FSTL4: variants seen among roughly 807,000 people sequenced by gnomAD.
FSTL4 encodes follistatin-related protein 4.
Under a neutral mutation model 78.2 loss-of-function variants are expected in FSTL4, and 28 were observed. The ratio of observed to expected loss-of-function variants is 0.36; its 90% CI spans 0.27 to 0.49. The LOEUF is 0.49. Ranked by LOEUF, FSTL4 falls within the 20% of genes least tolerant of loss-of-function variation. The pLI, the probability that FSTL4 is intolerant of heterozygous loss-of-function variation, is 0.98. For missense variants in FSTL4, 922 were observed against 1,084.9 expected (o/e 0.85, Z 2.11); for synonymous variants, 422 against 440.5 (o/e 0.96, Z 0.53).
intron 3 of FSTL4, among the ~76,000 whole-genome samples, chr5:133,402,300 G>C (rs1043212157): frequency 6.6e-6 from 1 of 152,212 alleles, no homozygotes; most frequent in South Asian, 2.1e-4. Context: ...ACGTTTAAGT[G>C]AAAGGCGAAA....
At chr5:133,756,237 C>T in the FSTL4 span, among the ~76,000 whole-genome samples, 3 of 151,868 alleles carry the variant, frequency 2.0e-5, no homozygotes, top group African/African-American at 4.8e-5. Flanking sequence ...GGCACAATGT[C>T]CTGGGATGGG....
At chr5:133,507,405 A>C (rs1758630794) in intron 3 of FSTL4, among the ~76,000 whole-genome samples, 1 of 152,150 alleles carries the variant, frequency 6.6e-6, no homozygotes. Context: ...ACTAGCTCAG[A>C]AACTACCTTC....
the FSTL4 span, among the ~76,000 whole-genome samples, chr5:133,787,979 C>T: frequency 6.6e-6 from 1 of 152,174 alleles, no homozygotes; most frequent in African/African-American, 2.4e-5. Context: ...GGTAAGTGGT[C>T]GTGAATGACT....
At chr5:133,747,018 C>T in the FSTL4 span, among the ~76,000 whole-genome samples, 1 of 152,266 alleles carries the variant, frequency 6.6e-6, no homozygotes, top group African/African-American at 2.4e-5. Flanking sequence ...CTCCTGGCCA[C>T]CAGGGGCACT....
chr5:133,331,293 A>C (rs1754340189), intron 4 of FSTL4, among the ~76,000 whole-genome samples: 1 of 152,182 alleles, frequency 6.6e-6, no homozygotes, highest in South Asian at 2.1e-4. Flanking sequence ...CAGGCCTGGC[A>C]GCTCATGGTG....
At chr5:133,610,842 G>A (rs1199693997) in intron 1 of FSTL4, among the ~76,000 whole-genome samples, 1 of 152,184 alleles carries the variant, frequency 6.6e-6, no homozygotes, top group Non-Finnish European at 1.5e-5. Context: ...AGTCCTAGTC[G>A]CTCACTGATC....
chr5:133,596,115 G>A (rs1760732130), intron 2 of FSTL4, among the ~76,000 whole-genome samples: 1 of 152,192 alleles, frequency 6.6e-6, no homozygotes, highest in Admixed American at 6.5e-5. Context: ...TTTCTCCCAG[G>A]AGCCTAGAGA....
Position 133,217,305 on chromosome 5 carries a change from T to C in FSTL4, c.1532A>G (p.Asn511Ser). The C allele has an allele frequency of 6.2e-7, 1 of 1,613,930 alleles. No homozygotes were observed. The highest frequency in any genetic ancestry group is 8.5e-7 in the Non-Finnish European group (1 of 1,179,858). ...CQWVSAVNVR[N>S]RYIYVAQPAL... is the part of the protein sequence containing the mutation. ...TGGCTGGGCCACATAGATGTACCGG[T>C]TCCGGACATTGACTGCAGATACCCA... Residue 511 changes from asparagine (N) to serine (S), a missense_variant, in exon 13 of 16, where the codon AAC (asparagine) becomes AGC (serine). Physicochemically the swap from Asn to Ser is conservative, Grantham distance 46. Transcript: ENST00000265342.
chr5:133,729,819 C>G, the FSTL4 span, among the ~76,000 whole-genome samples: 5 of 152,086 alleles, frequency 3.3e-5, no homozygotes, highest in African/African-American at 1.2e-4. Context: ...CCCCACCCCC[C>G]AATCCTGAGG....
chr5:133,657,137 G>T, the FSTL4 span, among the ~76,000 whole-genome samples: 1 of 152,294 alleles, frequency 6.6e-6, no homozygotes, highest in East Asian at 1.9e-4. Context: ...ACAGGAGTCT[G>T]GGGTTCAAAA....
chr5:133,674,605 G>GTGTC, the FSTL4 span, among the ~76,000 whole-genome samples: 15 of 149,176 alleles, frequency 1.0e-4, no homozygotes, highest in African/African-American at 2.2e-4. Flanking sequence ...GTGTGTGTGT[G>GTGTC]TGTGTCTGTG....
intron 8 of FSTL4, among the ~76,000 whole-genome samples, chr5:133,226,435 G>A (rs1351883987): frequency 2.6e-5 from 4 of 152,132 alleles, no homozygotes; most frequent in Non-Finnish European, 5.9e-5. Context: ...CTCACCAGAC[G>A]AGCATGGGTG....
At chr5:133,356,089 C>T (rs146987183) in intron 4 of FSTL4, among the ~76,000 whole-genome samples, 2,102 of 152,374 alleles carry the variant, frequency 0.014, 18 homozygotes, top group Non-Finnish European at 0.025. Context: ...ACCTCCCCCA[C>T]AGCCAAGGGC....
At chr5:133,388,854 ATCT>A (rs1486239557) in intron 4 of FSTL4, among the ~76,000 whole-genome samples, 1 of 148,228 alleles carries the variant, frequency 6.7e-6, no homozygotes, top group African/African-American at 2.5e-5. Context: ...TATTTTTTAA[ATCT>A]TCTTCTCATT....
Position 133,400,997 on chromosome 5 carries a change from C to A in FSTL4, c.161-11G>T. 4 of 1,612,712 alleles carry A rather than the reference C, an allele frequency of 2.5e-6. No individual in the cohort carries two copies. Among genetic ancestry groups the A allele is most frequent in the Non-Finnish European group, 3.4e-6 (4 of 1,179,952 alleles). On this transcript the variant is annotated splice_polypyrimidine_tract_variant and intron_variant, in intron 3 of 15. Coordinates refer to ENST00000265342, the MANE Select transcript of FSTL4 (RefSeq NM_015082.2). ...TGTGGCTGGAAAGCCCTGCCAGACA[C>A]ACAAACACAGAGGGTCAGCTGTAAA... is the stretch of plus-strand genomic sequence containing the variant.
At chr5:133,737,444 T>C in the FSTL4 span, among the ~76,000 whole-genome samples, 1 of 152,220 alleles carries the variant, frequency 6.6e-6, no homozygotes, top group African/African-American at 2.4e-5. Context: ...ATCTCATTCA[T>C]TTTTACGGCT....
intron 3 of FSTL4, among the ~76,000 whole-genome samples, chr5:133,517,120 C>T (rs967891960): frequency 2.0e-5 from 3 of 151,108 alleles, no homozygotes; most frequent in African/African-American, 4.9e-5. Context: ...AACTCTCAAC[C>T]GACTAAAAAA....
chr5:133,205,386 CGTGTGTGTGT>C (rs3087070), intron 14 of FSTL4, among the ~76,000 whole-genome samples: 25 of 150,732 alleles, frequency 1.7e-4, no homozygotes, highest in Non-Finnish European at 3.0e-4. Context: ...TTTTTCTTTG[CGTGTGTGTGT>C]GTGTGTGTGT....
intron 11 of FSTL4, among the ~76,000 whole-genome samples, chr5:133,221,807 C>T (rs1470585896): frequency 6.6e-6 from 1 of 150,966 alleles, no homozygotes; most frequent in African/African-American, 2.4e-5. Context: ...TCCCCTTTCC[C>T]TTCCTTTCTT....
Sources: allele counts gnomAD v4.1 joint callset (sites outside exome capture counted in the v4.1 genomes callset), GRCh38; gene constraint gnomAD v4.1.1; transcripts MANE v1.5; gene names NCBI Gene and HGNC (gene_info 2026-07-23, HGNC 2026-07-21).